GALNT17: variants seen among roughly 807,000 people sequenced by gnomAD.
GALNT17 encodes the protein UDP-GalNAc:polypeptide N-acetylgalactosaminyltransferase-like 3.
In GALNT17, 29 loss-of-function variants were observed where a neutral mutation model predicts 63.7. That is an observed-to-expected ratio of 0.46 (90% CI 0.34 to 0.62). The LOEUF (loss-of-function observed/expected upper bound fraction) is 0.62. GALNT17 is among the 20% of genes least tolerant of loss of function. The probability of loss-of-function intolerance (pLI) is 0.01; values close to 1 mark genes in which losing one functional copy is unlikely to be tolerated. For synonymous variants in GALNT17, 305 were observed against 318.3 expected, an observed-to-expected ratio of 0.96 and a Z score of 0.45; for missense variants, 603 against 799.6, an observed-to-expected ratio of 0.75 and a Z score of 2.97.
At chr7:71,653,029 T>G (rs965788233) in intron 6 of GALNT17, among the ~76,000 whole-genome samples, 6 of 151,658 alleles carry the variant, frequency 4.0e-5, no homozygotes, top group Middle Eastern at 6.8e-3. Flanking sequence ...TTTGTTTTTG[T>G]TTTTTTTGAC....
chr7:71,480,850 T>G (rs1420290879), intron 5 of GALNT17, among the ~76,000 whole-genome samples: 1 of 152,198 alleles, frequency 6.6e-6, no homozygotes, highest in Non-Finnish European at 1.5e-5. Flanking sequence ...CTTTCATCAT[T>G]GCCAAAGTGG....
chr7:71,409,522 T>C (rs578010304), intron 3 of GALNT17, among the ~76,000 whole-genome samples: 58 of 152,314 alleles, frequency 3.8e-4, no homozygotes, highest in African/African-American at 1.4e-3. Flanking sequence ...GTAAGTCTCA[T>C]CATCAAGGCT....
intron 9 of GALNT17, among the ~76,000 whole-genome samples, chr7:71,701,852 TATACAC>T (rs1206661117): frequency 2.0e-4 from 4 of 19,998 alleles, no homozygotes; most frequent in Admixed American, 4.4e-4. Flanking sequence ...TGTATATATA[TATACAC>T]ATATATATAT....
At chr7:71,201,891 C>A (rs1217662979) in intron 1 of GALNT17, among the ~76,000 whole-genome samples, 1 of 152,214 alleles carries the variant, frequency 6.6e-6, no homozygotes, top group Non-Finnish European at 1.5e-5. Flanking sequence ...CCTCTGCCTC[C>A]CAGAGTGCTG....
intron 5 of GALNT17, among the ~76,000 whole-genome samples, chr7:71,483,644 C>T (rs1175239492): frequency 1.3e-5 from 2 of 151,706 alleles, no homozygotes; most frequent in Non-Finnish European, 2.9e-5. Context: ...CAACCTCCAC[C>T]TCCTGGGTTC....
intron 5 of GALNT17, among the ~76,000 whole-genome samples, chr7:71,448,399 T>C (rs1039414549): frequency 6.6e-6 from 1 of 152,004 alleles, no homozygotes; most frequent in African/African-American, 2.4e-5. Flanking sequence ...TTTGGAACTC[T>C]TTTTGTTTTT....
chr7:71,408,278 C>T (rs981080442), intron 3 of GALNT17, among the ~76,000 whole-genome samples: 5 of 152,108 alleles, frequency 3.3e-5, no homozygotes, highest in African/African-American at 7.2e-5. Flanking sequence ...TTAATTGGAA[C>T]GTGCCATATG....
chr7:71,196,803 G>A (rs569099446), intron 1 of GALNT17, among the ~76,000 whole-genome samples: 3 of 151,922 alleles, frequency 2.0e-5, no homozygotes, highest in Admixed American at 6.6e-5. Flanking sequence ...ACAGGTGCGC[G>A]CAATGATGCC....
chr7:71,251,017 A>C (rs1400736631), intron 1 of GALNT17, among the ~76,000 whole-genome samples: 1 of 152,126 alleles, frequency 6.6e-6, no homozygotes, highest in Non-Finnish European at 1.5e-5. Flanking sequence ...ATGACTTCTT[A>C]TTTATTTATT....
intron 1 of GALNT17, among the ~76,000 whole-genome samples, chr7:71,180,045 T>C (rs1014709761): frequency 5.9e-5 from 9 of 152,226 alleles, no homozygotes; most frequent in Non-Finnish European, 1.2e-4. Context: ...ACTGTACTTA[T>C]TTAAAGCATA....
chr7:71,617,322 G>GT, intron 6 of GALNT17, among the ~76,000 whole-genome samples: 1 of 148,064 alleles, frequency 6.8e-6, no homozygotes, highest in East Asian at 2.0e-4. Flanking sequence ...GGGGGGGTTG[G>GT]TTTTTTTGTT....
intron 1 of GALNT17, among the ~76,000 whole-genome samples, chr7:71,137,391 G>A (rs1787806155): frequency 6.6e-6 from 1 of 151,968 alleles, no homozygotes. Flanking sequence ...CACCCGCCTC[G>A]GCCTCCCAAG....
At chr7:71,583,856 G>C (rs1001894392) in intron 6 of GALNT17, among the ~76,000 whole-genome samples, 1 of 152,094 alleles carries the variant, frequency 6.6e-6, no homozygotes, top group Non-Finnish European at 1.5e-5. Context: ...TGGGCGCGGT[G>C]GCTCACGCCT....
intron 5 of GALNT17, among the ~76,000 whole-genome samples, chr7:71,493,322 C>CAAG (rs1788040599): frequency 6.6e-6 from 1 of 152,192 alleles, no homozygotes; most frequent in African/African-American, 2.4e-5. Context: ...AGTTCACCTT[C>CAAG]ATATTGAAGA....
intron 6 of GALNT17, among the ~76,000 whole-genome samples, chr7:71,599,793 A>G (rs1211289510): frequency 6.6e-6 from 1 of 152,076 alleles, no homozygotes; most frequent in African/African-American, 2.4e-5. Context: ...CACTATTGCA[A>G]TTGTGCAGTC....
chr7:71,291,355 T>TTCC (rs1375028534), intron 1 of GALNT17, among the ~76,000 whole-genome samples: 3 of 152,212 alleles, frequency 2.0e-5, no homozygotes, highest in Non-Finnish European at 4.4e-5. Flanking sequence ...TCTTGTTACA[T>TTCC]TCCTATTCTT....
At chr7:71,453,832 T>A in intron 5 of GALNT17, among the ~76,000 whole-genome samples, 1 of 152,204 alleles carries the variant, frequency 6.6e-6, no homozygotes, top group East Asian at 1.9e-4. Flanking sequence ...GCACAAATCC[T>A]CAGTGAGTGT....
chr7:71,666,300 C>G (rs1415244529), intron 7 of GALNT17, among the ~76,000 whole-genome samples: 5 of 149,838 alleles, frequency 3.3e-5, no homozygotes, highest in Non-Finnish European at 7.4e-5. Context: ...CTAAGTATAA[C>G]CTCCTGTGTG....
At position 71,158,266 on chromosome 7, in the gene GALNT17, T is replaced by C. The variant is rs573981489; in HGVS notation, c.238+25226T>C. 2.6e-3 allele frequency among the ~76,000 whole-genome samples: 388 copies of C among 151,882 alleles called. 1 individual carries two copies. Among genetic ancestry groups the C allele is most frequent in the Non-Finnish European group, 4.4e-3 (300 of 68,016 alleles). On this transcript the variant is annotated intron_variant, in intron 1 of 10. Transcript: ENST00000333538. ...AATCAATGGGTGCTGCTGTGTTCTG[T>C]GGTTTCGTGGCCAAGGTAGTTGGCA...
Sources: allele counts gnomAD v4.1 joint callset (sites outside exome capture counted in the v4.1 genomes callset), GRCh38; gene constraint gnomAD v4.1.1; transcripts MANE v1.5; gene names NCBI Gene and HGNC (gene_info 2026-07-23, HGNC 2026-07-21).